The following PPP2R5E variants were observed in gnomAD, a reference collection of about 807,000 sequenced individuals.
PPP2R5E encodes the protein protein phosphatase 2 regulatory subunit B'epsilon.
PPP2R5E carries 4 observed loss-of-function variants against 65.3 expected under a neutral mutation model. That is an observed-to-expected ratio of 0.06 (90% CI 0.03 to 0.14). PPP2R5E has a LOEUF of 0.14. PPP2R5E is among the 10% of genes least tolerant of loss of function. The pLI, the probability that PPP2R5E is intolerant of heterozygous loss-of-function variation, is 1.00. For synonymous variants in PPP2R5E, 183 were observed against 187.4 expected, an observed-to-expected ratio of 0.98 and a Z score of 0.19; for missense variants, 274 against 556.1, an observed-to-expected ratio of 0.49 and a Z score of 5.10.
intron 3 of PPP2R5E, among the ~76,000 whole-genome samples, chr14:63,443,030 A>T (rs1888312495): frequency 6.6e-6 from 1 of 152,200 alleles, no homozygotes; most frequent in South Asian, 2.1e-4. Context: ...TTTAATTGCA[A>T]CTTCATAATT....
intron 2 of PPP2R5E, among the ~76,000 whole-genome samples, chr14:63,530,863 C>G (rs1340362874): frequency 6.6e-6 from 1 of 151,796 alleles, no homozygotes; most frequent in Non-Finnish European, 1.5e-5. Context: ...GTGATCCACC[C>G]GCCTCAGCCT....
chr14:63,520,206 T>C (rs1349638621), intron 2 of PPP2R5E, among the ~76,000 whole-genome samples: 1 of 151,836 alleles, frequency 6.6e-6, no homozygotes, highest in African/African-American at 2.4e-5. Context: ...CGGCTAATTT[T>C]TTGCATTTTT....
chr14:63,389,641 C>T lies in PPP2R5E; in HGVS notation c.1045G>A (p.Ala349Thr), dbSNP rs771776472. 5.0e-6 allele frequency: 8 copies of T among 1,610,832 alleles called. No individual in the cohort carries two copies. In the African/African-American group the frequency reaches 5.3e-5, roughly 11 times the overall value. ...KIQEPLFKQIAKCVSSPHFQV... is the reference protein window; with the variant it reads ...KIQEPLFKQITKCVSSPHFQV... The stretch of plus-strand genomic sequence containing the variant: ...AAATGGGGGCTAGATACACACTTGG[C>T]GATTTGTTTAAACAAAGGTTCTTGG... Residue 349 changes from alanine to threonine, a missense_variant, in exon 11 of 14, where the codon GCC becomes ACC. Coordinates refer to ENST00000337537, the MANE Select transcript of PPP2R5E (RefSeq NM_006246.5).
intron 13 of PPP2R5E, among the ~76,000 whole-genome samples, chr14:63,377,093 G>A (rs762887829): frequency 7.4e-5 from 11 of 147,972 alleles, no homozygotes; most frequent in Middle Eastern, 3.2e-3. Context: ...AGATTGCAGC[G>A]AGCCGAGATC....
intron 2 of PPP2R5E, among the ~76,000 whole-genome samples, chr14:63,524,660 A>ACTGACATGC (rs1261582930): frequency 4.0e-5 from 6 of 151,884 alleles, no homozygotes; most frequent in African/African-American, 1.5e-4. Flanking sequence ...GACTGACATG[A>ACTGACATGC]CTGACATGCC....
rs1160423089 is a variant in PPP2R5E at position 63,374,636 on chromosome 14, TATATATATATA to T, written c.*1362_*1372del. ...AATACAAAGCAGAGAGCCAATAAGA[TATATATATATA>T]TATATATATATATATATATATAAAA... On this transcript the variant is annotated 3_prime_UTR_variant, in exon 14 of 14. Transcript: ENST00000337537. 4 of 42,142 alleles carry T rather than the reference TATATATATATA, an allele frequency of 9.5e-5. No homozygotes were observed. The highest frequency in any genetic ancestry group is 2.7e-4 in the East Asian group (1 of 3,730). The allele number at this position is 42,142 out of a possible 1,614,324, so 2.6% of individuals were successfully genotyped here. A position where few individuals can be genotyped will look rare whatever the true frequency, so the allele number is the denominator to read the frequency against.
Position 63,389,734 on chromosome 14 carries a change from G to A in PPP2R5E, c.955-3C>T, listed in dbSNP as rs1594817262. On this transcript the variant is annotated splice_region_variant and splice_polypyrimidine_tract_variant and intron_variant, in intron 10 of 13. Coordinates refer to ENST00000337537, the MANE Select transcript of PPP2R5E (RefSeq NM_006246.5). ...TCCAGTTCCCCAAGGAACATGACCTGTAAGTACAAGCAAAATACAAGATGT... is the reference window on the plus strand; with the variant it reads ...TCCAGTTCCCCAAGGAACATGACCTATAAGTACAAGCAAAATACAAGATGT... 6 of 1,592,960 alleles carry A rather than the reference G, an allele frequency of 3.8e-6. No individual in the cohort carries two copies. In the East Asian group the frequency reaches 1.4e-4, roughly 36 times the overall value.
intron 2 of PPP2R5E, among the ~76,000 whole-genome samples, 154 bp from the exon 3 acceptor site, chr14:63,454,039 T>C (rs1369169176): frequency 2.0e-5 from 3 of 152,226 alleles, no homozygotes; most frequent in African/African-American, 7.2e-5. Flanking sequence ...TGGGAGGGGA[T>C]ACCGTATCTA....
At chr14:63,413,609 T>A (rs191110871) in intron 5 of PPP2R5E, among the ~76,000 whole-genome samples, 20 of 152,290 alleles carry the variant, frequency 1.3e-4, no homozygotes, top group African/African-American at 4.8e-4. Flanking sequence ...GTTGTACAAA[T>A]CAACTAACGC....
intron 2 of PPP2R5E, among the ~76,000 whole-genome samples, chr14:63,532,552 AAT>A (rs752396486): frequency 2.0e-5 from 3 of 152,312 alleles, no homozygotes; most frequent in Admixed American, 1.3e-4. Context: ...TTACTAGTAA[AAT>A]ATGTCATAAA....
chr14:63,423,021 G>A (rs2139890765), intron 3 of PPP2R5E, among the ~76,000 whole-genome samples: 1 of 152,320 alleles, frequency 6.6e-6, no homozygotes, highest in African/African-American at 2.4e-5. Context: ...GCCATGAGTT[G>A]ATAACTGTTG....
At chr14:63,376,962 G>A (rs560259982) in intron 13 of PPP2R5E, among the ~76,000 whole-genome samples, 45 of 152,024 alleles carry the variant, frequency 3.0e-4, no homozygotes, top group African/African-American at 9.4e-4. Flanking sequence ...GTGAGACCCC[G>A]TCTCTACTAA....
At chr14:63,477,660 A>G (rs1173494169) in intron 2 of PPP2R5E, among the ~76,000 whole-genome samples, 2 of 152,092 alleles carry the variant, frequency 1.3e-5, no homozygotes, top group African/African-American at 2.4e-5. Flanking sequence ...CATTTTAAGG[A>G]AGGTCCTTAA....
intron 4 of PPP2R5E, among the ~76,000 whole-genome samples, chr14:63,415,484 C>G (rs886516018): frequency 2.6e-5 from 4 of 152,110 alleles, no homozygotes; most frequent in African/African-American, 9.7e-5. Context: ...TCAGAGACAA[C>G]CACTGTTAAC....
In PPP2R5E at chr14:63,507,151, G is replaced by A. The variant is rs150358955; in HGVS notation, c.157+32378C>T. On this transcript the variant is annotated intron_variant, in intron 2 of 13. Coordinates refer to ENST00000337537, the MANE Select transcript of PPP2R5E (RefSeq NM_006246.5). ...CACTGCTGCAGGGGGCACAAGGGAG[G>A]ATCTCAGTAGCCTGGGTAAGTAGTG... is the stretch of plus-strand genomic sequence containing the variant. Among the ~76,000 whole-genome samples, 581 of 152,324 alleles carry A rather than the reference G, an allele frequency of 3.8e-3. 13 individuals are homozygous for A. The highest frequency in any genetic ancestry group is 1.2e-3 in the Non-Finnish European group (83 of 68,016).
At position 63,501,266 on chromosome 14, in the gene PPP2R5E, G is replaced by A. The variant is rs527988424; in HGVS notation, c.157+38263C>T. ...AAATACAAAAAAAAATTAGCCGGGC[G>A]TGGTGGCGAGCGCCTGTAGTCCCAG... is the stretch of plus-strand genomic sequence containing the variant. On this transcript the variant is annotated intron_variant, in intron 2 of 13. Transcript: ENST00000337537. 9.9e-5 allele frequency among the ~76,000 whole-genome samples: 15 copies of A among 152,136 alleles called. 2 individuals are homozygous for A. The highest frequency in any genetic ancestry group is 2.6e-4 in the African/African-American group (11 of 41,514).
chr14:63,428,559 C>T (rs541825313), intron 3 of PPP2R5E, among the ~76,000 whole-genome samples: 1 of 152,278 alleles, frequency 6.6e-6, no homozygotes, highest in Non-Finnish European at 1.5e-5. Context: ...TCAAGGACCT[C>T]ATAACTGCTT....
At position 63,439,666 on chromosome 14, in the gene PPP2R5E, G is replaced by A. The variant is rs114602516; in HGVS notation, c.354+14023C>T. Reference sequence around the variant, plus strand: ...TGGGATTACAGGCGTGAGCCACCGCGCCCAGCCGGGTTCTGGTCTGTTTGT... The same window carrying A: ...TGGGATTACAGGCGTGAGCCACCGCACCCAGCCGGGTTCTGGTCTGTTTGT... On this transcript the variant is annotated intron_variant, in intron 3 of 13. Transcript: ENST00000337537. 6.9e-3 allele frequency among the ~76,000 whole-genome samples: 1,046 copies of A among 152,298 alleles called. 7 individuals carry two copies. Among genetic ancestry groups the A allele is most frequent in the African/African-American group, 0.023 (968 of 41,546 alleles).
intron 2 of PPP2R5E, among the ~76,000 whole-genome samples, chr14:63,471,462 A>G (rs1289911128): frequency 6.6e-6 from 1 of 152,202 alleles, no homozygotes; most frequent in Non-Finnish European, 1.5e-5. Flanking sequence ...CTGTTTCACA[A>G]TAAATAGTTT....
Sources: gnomAD v4.1 joint callset for allele counts (sites outside exome capture counted in the v4.1 genomes callset) on GRCh38, gnomAD v4.1.1 for gene constraint, MANE v1.5 for transcripts, NCBI Gene and HGNC (gene_info 2026-07-23, HGNC 2026-07-21) for gene names.